POR: variants seen among roughly 807,000 people sequenced by gnomAD.
POR encodes the protein cytochrome p450 oxidoreductase.
A neutral mutation model predicts 84.0 loss-of-function variants in POR; 56 were observed. The observed-to-expected ratio is 0.67, with a 90% CI of 0.54 to 0.83. POR has a LOEUF of 0.83. POR is among the 40% of genes least tolerant of loss of function. The pLI, the probability that POR is intolerant of heterozygous loss-of-function variation, is 0.00. For missense variants in POR, 938 were observed against 944.3 expected, an observed-to-expected ratio of 0.99 and a Z score of 0.09; for synonymous variants, 414 against 400.5, an observed-to-expected ratio of 1.03 and a Z score of -0.40.
intron 6 of POR, among the ~76,000 whole-genome samples, 158 bp downstream of exon 6, chr7:75,981,330 GT>G (rs1789029271): frequency 6.6e-6 from 1 of 151,636 alleles, no homozygotes; most frequent in South Asian, 2.1e-4. Context: ...GCCCCTGCCA[GT>G]TTTGCTTTTC....
At chr7:75,972,255 T>C (rs1407432227) in intron 2 of POR, among the ~76,000 whole-genome samples, 158 bp from the exon 3 acceptor site, 2 of 152,042 alleles carry the variant, frequency 1.3e-5, no homozygotes, top group African/African-American at 4.8e-5. Flanking sequence ...AGCTGCTGGC[T>C]TAGCCCCTGG....
intron 1 of POR, among the ~76,000 whole-genome samples, chr7:75,932,580 T>C (rs1028882893): frequency 7.6e-6 from 1 of 132,374 alleles, no homozygotes. Flanking sequence ...ACAGTTTTAA[T>C]TTTTTTTTCT....
In POR at chr7:75,985,133, C is replaced by T. The variant is rs1269655476; in HGVS notation, c.1324C>T (p.Pro442Ser). 3 of 1,599,962 alleles carry T rather than the reference C, an allele frequency of 1.9e-6. No individual in the cohort carries two copies. Among genetic ancestry groups the T allele is most frequent in the Non-Finnish European group, 2.5e-6 (3 of 1,179,542 alleles). Reference sequence around the variant, plus strand: ...CCTGCAGGACTGCCCGTCCCTGCGGCCCCCCATCGACCACCTGTGTGAGCT... The same window carrying T: ...CCTGCAGGACTGCCCGTCCCTGCGGTCCCCCATCGACCACCTGTGTGAGCT... Residue 442 changes from proline to serine, a missense_variant, in exon 12 of 16, where the codon CCC becomes TCC. Transcript: ENST00000461988.
rs1302415367 is a variant in POR, at chr7:75,986,326, T to A, written c.1899-11T>A. On this transcript the variant is annotated splice_polypyrimidine_tract_variant and intron_variant, in intron 15 of 15. Transcript: ENST00000461988. ...TTGGCCCAGCCCCCAGCACCCCCTC[T>A]TCCTGCCCAGGGATGCACGGAACAT... 1.2e-6 allele frequency: 2 copies of A among 1,612,454 alleles called. No individual in the cohort carries two copies. Among genetic ancestry groups the A allele is most frequent in the Non-Finnish European group, 1.7e-6 (2 of 1,179,780 alleles).
In POR at chr7:75,979,443, T is replaced by G. The variant is rs781961953; in HGVS notation, c.238-8T>G. 6.2e-6 allele frequency: 10 copies of G among 1,612,162 alleles called. No individual in the cohort carries two copies. In the East Asian group the frequency reaches 2.2e-4, roughly 36 times the overall value. On this transcript the variant is annotated splice_polypyrimidine_tract_variant and splice_region_variant and intron_variant, in intron 3 of 15. Transcript: ENST00000461988. ...GGCCCTCACCAACCCTGTGTCTGCCTTCCTTAGGGGAGGAACATCATCGTG... is the reference window on the plus strand; with the variant it reads ...GGCCCTCACCAACCCTGTGTCTGCCGTCCTTAGGGGAGGAACATCATCGTG...
chr7:75,969,854 C>T (rs1554555879), intron 2 of POR, among the ~76,000 whole-genome samples: 1 of 152,208 alleles, frequency 6.6e-6, no homozygotes, highest in East Asian at 1.9e-4. Flanking sequence ...AGACAGCCCC[C>T]AAGGTTATTC....
At chr7:75,948,492 CTG>C (rs1450310542) in intron 1 of POR, among the ~76,000 whole-genome samples, 95 of 152,272 alleles carry the variant, frequency 6.2e-4, no homozygotes, top group African/African-American at 2.2e-3. Context: ...GTGGTCCTGA[CTG>C]TGAACTCCGG....
chr7:75,927,456 CA>C (rs1207934497), intron 1 of POR, among the ~76,000 whole-genome samples: 4 of 141,072 alleles, frequency 2.8e-5, no homozygotes, highest in Admixed American at 7.2e-5. Flanking sequence ...GACCCTGTCT[CA>C]AAAAAAAAAC....
intron 1 of POR, among the ~76,000 whole-genome samples, chr7:75,940,923 G>T (rs1258761339): frequency 6.6e-6 from 1 of 152,220 alleles, no homozygotes; most frequent in East Asian, 1.9e-4. Flanking sequence ...GACTTTGGGA[G>T]GCCAAGGTGC....
intron 1 of POR, chr7:75,915,402 C>G (rs1208276097): frequency 2.0e-5 from 3 of 152,316 alleles, no homozygotes; most frequent in Non-Finnish European, 4.4e-5. Context: ...TCTCCCGCGG[C>G]GGCCTGAGGG....
intron 2 of POR, among the ~76,000 whole-genome samples, chr7:75,957,165 G>C (rs1394585474): frequency 1.3e-5 from 2 of 152,198 alleles, no homozygotes; most frequent in African/African-American, 2.4e-5. Flanking sequence ...ATGTGCCCAG[G>C]GCACAGGCTG....
At chr7:75,955,558 C>T (rs1215844253) in intron 2 of POR, among the ~76,000 whole-genome samples, 4 of 152,158 alleles carry the variant, frequency 2.6e-5, no homozygotes, top group African/African-American at 7.2e-5. Context: ...AGGTCTGAGC[C>T]GAGGGAACTC....
Position 75,985,683 on chromosome 7 carries a change from G to C in POR, c.1503G>C (p.Glu501Asp), listed in dbSNP as rs781837432. 6.3e-7 allele frequency: 1 copy of C among 1,594,326 alleles called. No individual in the cohort carries two copies. The highest frequency in any genetic ancestry group is 1.7e-5 in the Admixed American group (1 of 57,394). Residue 501 changes from glutamate to aspartate, a missense_variant, in exon 13 of 16, where the codon GAG becomes GAC. Transcript: ENST00000461988. ...CCACCAACTGGCTGCGGGCCAAGGA[G>C]CCTGCCGGGGAGAACGGCGGCCGTG... is the stretch of plus-strand genomic sequence containing the variant.
chr7:75,966,784 A>G (rs781802851), intron 2 of POR, among the ~76,000 whole-genome samples: 80 of 151,926 alleles, frequency 5.3e-4, no homozygotes, highest in Non-Finnish European at 6.3e-4. Context: ...GCCCTCCCTC[A>G]TCTTCCCCAC....
chr7:75,931,495 T>C (rs994986870), intron 1 of POR, among the ~76,000 whole-genome samples: 34 of 151,820 alleles, frequency 2.2e-4, no homozygotes, highest in Admixed American at 3.9e-4. Context: ...GCCTCCCGAG[T>C]AGCTGGGATT....
At chr7:75,930,628 T>A in intron 1 of POR, among the ~76,000 whole-genome samples, 1 of 152,060 alleles carries the variant, frequency 6.6e-6, no homozygotes, top group South Asian at 2.1e-4. Flanking sequence ...GTTCAAGTGA[T>A]TCTCCTGCCT....
intron 2 of POR, among the ~76,000 whole-genome samples, chr7:75,954,706 ATTTTT>A (rs3043449): frequency 7.7e-6 from 1 of 130,590 alleles, no homozygotes. Context: ...TGCCCAGCTA[ATTTTT>A]TTTTTTTTTT....
Position 75,985,822 on chromosome 7 carries a change from C to T in POR, c.1642C>T (p.Gln548Ter), listed in dbSNP as rs1554559187. Residue 548 changes from glutamine (Q) to a stop codon, truncating the protein, a stop_gained, in exon 13 of 16, where the codon CAG becomes TAG. Transcript: ENST00000461988. LOFTEE classifies it high-confidence loss of function. ...GGTGGCACCCTTCATAGGCTTCATCCAGGAGCGGGCCTGGCTGCGACAGCA... is the reference window on the plus strand; with the variant it reads ...GGTGGCACCCTTCATAGGCTTCATCTAGGAGCGGGCCTGGCTGCGACAGCA... 1 of 1,555,714 alleles carries T rather than the reference C, an allele frequency of 6.4e-7. No individual in the cohort carries two copies. The highest frequency in any genetic ancestry group is 1.2e-5 in the South Asian group (1 of 84,392).
chr7:75,934,575 T>G (rs992694467), intron 1 of POR, among the ~76,000 whole-genome samples: 18 of 152,062 alleles, frequency 1.2e-4, no homozygotes, highest in Non-Finnish European at 2.1e-4. Flanking sequence ...GCCAAGACTG[T>G]GGGGAAAAAA....
Sources: allele counts gnomAD v4.1 joint callset (sites outside exome capture counted in the v4.1 genomes callset), GRCh38; gene constraint gnomAD v4.1.1; transcripts MANE v1.5; gene names NCBI Gene and HGNC (gene_info 2026-07-23, HGNC 2026-07-21).